Variants in SLC17A3 observed in about 807,000 individuals in gnomAD.
SLC17A3 encodes the protein solute carrier family 17 member 3.
A neutral mutation model predicts 60.3 loss-of-function variants in SLC17A3; 61 were observed. The ratio of observed to expected loss-of-function variants is 1.01; its 90% CI spans 0.82 to 1.25. The LOEUF (loss-of-function observed/expected upper bound fraction) is 1.25, where lower values mean the gene tolerates loss of function less well. Among genes scored for constraint, SLC17A3 ranks in the 50% most tolerant of loss-of-function variants. The probability of loss-of-function intolerance (pLI) is 0.00; values close to 1 mark genes in which losing one functional copy is unlikely to be tolerated. For synonymous variants in SLC17A3, 192 were observed against 208.9 expected (o/e 0.92, Z 0.70); for missense variants, 624 against 594.9 (o/e 1.05, Z -0.51).
Position 25,845,459 on chromosome 6 carries a change from C to T in SLC17A3, c.1420G>A (p.Gly474Arg), listed in dbSNP as rs749415479. 1.7e-5 allele frequency: 28 copies of T among 1,614,008 alleles called. 1 individual carries two copies. In the Admixed American group the frequency reaches 4.2e-4, roughly 24 times the overall value. Residue 474 changes from glycine to arginine, a missense_variant, in exon 12 of 13, where the codon GGA becomes AGA. Physicochemically the swap from Gly to Arg is moderately radical, Grantham distance 125. Coordinates refer to ENST00000397060, the MANE Select transcript of SLC17A3 (RefSeq NM_001098486.2). ...CCAAATATGAGGTAGAAGAGTAGTCCTAACAGGTTAACGGCAAACAGCAAG... is the reference window on the plus strand; with the variant it reads ...CCAAATATGAGGTAGAAGAGTAGTCTTAACAGGTTAACGGCAAACAGCAAG... Reference protein sequence around the residue: ...FFLLFAVNLLGLLFYLIFGEA... With the variant: ...FFLLFAVNLLRLLFYLIFGEA...
intron 5 of SLC17A3, among the ~76,000 whole-genome samples, chr6:25,856,675 G>A (rs1330636238): frequency 1.3e-5 from 2 of 151,740 alleles, no homozygotes; most frequent in African/African-American, 4.8e-5. Flanking sequence ...GTGAAATCCT[G>A]CCTCTATTAA....
At chr6:25,859,887 C>A (rs576528250) in intron 5 of SLC17A3, among the ~76,000 whole-genome samples, 40 of 152,170 alleles carry the variant, frequency 2.6e-4, no homozygotes, top group Admixed American at 1.8e-3. Context: ...TACTTTTTAC[C>A]CTGTGTTTTA....
At chr6:25,847,486 ACACTGCTTTC>A (rs1765197583) in intron 11 of SLC17A3, among the ~76,000 whole-genome samples, 1 of 152,200 alleles carries the variant, frequency 6.6e-6, no homozygotes, top group Non-Finnish European at 1.5e-5. Context: ...AGGAATCACC[ACACTGCTTTC>A]CACAACGGTT....
chr6:25,855,140 T>C lies in SLC17A3; in HGVS notation c.712+4A>G. ...ACTCAGGGAACTGGGAGATAGTAGC[T>C]TACCAAAGATATAGAAGACAAAGGG... On this transcript the variant is annotated splice_donor_region_variant and intron_variant, in intron 6 of 12. Transcript: ENST00000397060. 6.3e-7 allele frequency: 1 copy of C among 1,595,712 alleles called. No homozygotes were observed.
In SLC17A3 at chr6:25,845,085, A is replaced by C; in HGVS notation, c.*216T>G. 2.8e-6 allele frequency: 1 copy of C among 353,218 alleles called. No individual in the cohort carries two copies. Among genetic ancestry groups the C allele is most frequent in the Non-Finnish European group, 5.4e-6 (1 of 186,604 alleles). The allele number at this position is 353,218 out of a possible 1,614,324, so 21.9% of individuals were successfully genotyped here. A position where few individuals can be genotyped will look rare whatever the true frequency, so the allele number is the denominator to read the frequency against. On this transcript the variant is annotated 3_prime_UTR_variant, in exon 13 of 13. Transcript: ENST00000397060. ...CTCTTAATCCATTGTTAATTCTATG[A>C]AGATGACAACTGCATTCTTAGTTAT... is the stretch of plus-strand genomic sequence containing the variant.
chr6:25,844,957 A>G lies in SLC17A3; in HGVS notation c.*344T>C, dbSNP rs1356307123. On this transcript the variant is annotated 3_prime_UTR_variant, in exon 13 of 13. Coordinates refer to ENST00000397060, the MANE Select transcript of SLC17A3 (RefSeq NM_001098486.2). ...ATATTAATTTTCACAAACAGGAAAA[A>G]TCATTGCCCTAGTGAGTTTGTCACC... The G allele has an allele frequency of 5.2e-6, 1 of 190,968 alleles. No individual in the cohort carries two copies. The highest frequency in any genetic ancestry group is 2.4e-5 in the African/African-American group (1 of 41,934). The allele number at this position is 190,968 out of a possible 1,614,324, so 11.8% of individuals were successfully genotyped here.
intron 1 of SLC17A3, among the ~76,000 whole-genome samples, chr6:25,870,565 C>A (rs962616607): frequency 6.6e-6 from 1 of 151,992 alleles, no homozygotes; most frequent in Non-Finnish European, 1.5e-5. Flanking sequence ...AATTAAGCAG[C>A]AATGGGAGTT....
In SLC17A3 at chr6:25,845,430, T is replaced by C; in HGVS notation, c.1449A>G (p.Glu483=). The change falls in exon 12 of 13, where the codon GAA becomes GAG. Residue 483 remains glutamate (E), a synonymous_variant. Coordinates refer to ENST00000397060, the MANE Select transcript of SLC17A3 (RefSeq NM_001098486.2). Reference sequence around the variant, plus strand: ...CTTTAGCCCATTCTTGGACATCTGCTTCTCCAAATATGAGGTAGAAGAGTA... The same window carrying C: ...CTTTAGCCCATTCTTGGACATCTGCCTCTCCAAATATGAGGTAGAAGAGTA... ...LGLLFYLIFG[E]ADVQEWAKER... 1 of 1,614,084 alleles carries C rather than the reference T, an allele frequency of 6.2e-7. No individual in the cohort carries two copies. The highest frequency in any genetic ancestry group is 8.5e-7 in the Non-Finnish European group (1 of 1,179,956).
chr6:25,863,587 G>T (rs1045038279), intron 2 of SLC17A3, among the ~76,000 whole-genome samples: 2 of 151,954 alleles, frequency 1.3e-5, no homozygotes, highest in Admixed American at 6.6e-5. Context: ...TTTTTTCTGC[G>T]TGGGAAGAAA....
intron 1 of SLC17A3, among the ~76,000 whole-genome samples, chr6:25,873,366 A>G (rs1765675709): frequency 6.6e-6 from 1 of 152,128 alleles, no homozygotes; most frequent in Non-Finnish European, 1.5e-5. Flanking sequence ...GGTCCAAAGC[A>G]GTGTTCATAG....
chr6:25,849,795 A>AGTG lies in SLC17A3; in HGVS notation c.1271+9_1271+10insCAC, dbSNP rs1765239710. 6.2e-7 allele frequency: 1 copy of AGTG among 1,612,800 alleles called. No homozygotes were observed. Among genetic ancestry groups the AGTG allele is most frequent in the African/African-American group, 1.3e-5 (1 of 74,874 alleles). ...AAATGTGAAACTGATAGTGGAGATC[A>AGTG]GAGTCCTACCTTGGAGCAATATCTA... is the stretch of plus-strand genomic sequence containing the variant. On this transcript the variant is annotated intron_variant, in intron 10 of 12. Transcript: ENST00000397060.
Position 25,853,279 on chromosome 6 carries a change from CTGTT to C in SLC17A3, c.712+1861_712+1864del, listed in dbSNP as rs368086008. On this transcript the variant is annotated intron_variant, in intron 6 of 12. Coordinates refer to ENST00000397060, the MANE Select transcript of SLC17A3 (RefSeq NM_001098486.2). ...TTTTCTTTCCTTTCTCTCTCTCTCT[CTGTT>C]TATCTCTCTTTCTCTCTCTCTCCAT... 5.5e-4 allele frequency among the ~76,000 whole-genome samples: 78 copies of C among 142,626 alleles called. No individual in the cohort carries two copies. In the South Asian group the frequency reaches 0.012, roughly 22 times the overall value. 93.6% of individuals were successfully genotyped at this position (142,626 alleles called of 152,430 possible).
At chr6:25,871,839 A>C (rs949218884) in intron 1 of SLC17A3, among the ~76,000 whole-genome samples, 7 of 152,008 alleles carry the variant, frequency 4.6e-5, no homozygotes, top group African/African-American at 1.7e-4. Context: ...AGATCCTAAA[A>C]AGAGAAATGA....
intron 6 of SLC17A3, among the ~76,000 whole-genome samples, chr6:25,851,985 G>C (rs1305311183): frequency 2.6e-5 from 4 of 151,870 alleles, no homozygotes; most frequent in Non-Finnish European, 5.9e-5. Context: ...AAATCGTACT[G>C]TTCTCTTTAA....
chr6:25,869,880 C>T (rs955837258), intron 1 of SLC17A3, among the ~76,000 whole-genome samples: 1 of 151,996 alleles, frequency 6.6e-6, no homozygotes, highest in African/African-American at 2.4e-5. Context: ...CACTTTTCTC[C>T]TGGTTTATTT....
rs1416058748 is a variant in SLC17A3, at chr6:25,845,081, T to C, written c.*220A>G. The C allele has an allele frequency of 2.9e-6, 1 of 347,874 alleles. No individual in the cohort carries two copies. The allele number at this position is 347,874 out of a possible 1,614,324, so 21.5% of individuals were successfully genotyped here. A position where few individuals can be genotyped will look rare whatever the true frequency, so the allele number is the denominator to read the frequency against. On this transcript the variant is annotated 3_prime_UTR_variant, in exon 13 of 13. Coordinates refer to ENST00000397060, the MANE Select transcript of SLC17A3 (RefSeq NM_001098486.2). The stretch of plus-strand genomic sequence containing the variant: ...AGCCCTCTTAATCCATTGTTAATTC[T>C]ATGAAGATGACAACTGCATTCTTAG...
intron 5 of SLC17A3, among the ~76,000 whole-genome samples, chr6:25,856,805 C>T (rs75236671): frequency 0.08 from 12,027 of 150,724 alleles, 619 homozygotes; most frequent in South Asian, 0.12. Context: ...CGAGATTGCG[C>T]CACTGCACTC....
chr6:25,857,049 C>T, intron 5 of SLC17A3, among the ~76,000 whole-genome samples: 1 of 151,730 alleles, frequency 6.6e-6, no homozygotes, highest in Non-Finnish European at 1.5e-5. Context: ...ATTATCCAGA[C>T]ATGGTGGTGC....
At chr6:25,855,308 T>C (rs1765341028) in intron 5 of SLC17A3, 78 bp from the exon 6 acceptor site, 2 of 971,458 alleles carry the variant, frequency 2.1e-6, no homozygotes. Flanking sequence ...AGATGACATA[T>C]TATAGAGCAG....
Sources: allele counts gnomAD v4.1 joint callset (sites outside exome capture counted in the v4.1 genomes callset), GRCh38; gene constraint gnomAD v4.1.1; transcripts MANE v1.5; gene names NCBI Gene and HGNC (gene_info 2026-07-23, HGNC 2026-07-21).